SLIT3: variants seen among roughly 807,000 people sequenced by gnomAD.
SLIT3 encodes slit guidance ligand 3.
In SLIT3, 68 loss-of-function variants were observed where a neutral mutation model predicts 184.0. The observed-to-expected ratio is 0.37, with a 90% CI of 0.30 to 0.45. The LOEUF is 0.45. SLIT3 is among the 20% of genes least tolerant of loss of function. The pLI is 1.00. For synonymous variants in SLIT3, 831 were observed against 828.6 expected (o/e 1.00, Z -0.05); for missense variants, 1,707 against 2,026.0 (o/e 0.84, Z 3.02).
chr5:169,164,250 T>C (rs1762563849), intron 4 of SLIT3, among the ~76,000 whole-genome samples: 1 of 152,094 alleles, frequency 6.6e-6, no homozygotes, highest in East Asian at 1.9e-4. Flanking sequence ...TACAAGCCAA[T>C]GGGAGGGAAA....
At chr5:169,062,352 C>T (rs886207884) in intron 4 of SLIT3, among the ~76,000 whole-genome samples, 2 of 152,134 alleles carry the variant, frequency 1.3e-5, no homozygotes, top group East Asian at 3.9e-4. Context: ...GCTTTGGGTG[C>T]CACATGAATG....
chr5:168,812,498 A>T (rs976141931), intron 8 of SLIT3, among the ~76,000 whole-genome samples: 29 of 152,348 alleles, frequency 1.9e-4, no homozygotes, highest in African/African-American at 6.5e-4. Context: ...AAAACAAAAT[A>T]AAAAAATTTA....
chr5:169,197,211 C>A (rs1361607357), intron 3 of SLIT3, among the ~76,000 whole-genome samples: 1 of 152,248 alleles, frequency 6.6e-6, no homozygotes, highest in African/African-American at 2.4e-5. Context: ...GCTTCATAAA[C>A]CCTGAATGAG....
chr5:168,750,237 G>T (rs533216497), intron 18 of SLIT3, among the ~76,000 whole-genome samples: 1 of 152,294 alleles, frequency 6.6e-6, no homozygotes, highest in East Asian at 1.9e-4. Flanking sequence ...ATATGCATCT[G>T]TGGACTGAAA....
rs1379599857 is a variant in SLIT3 at position 168,665,354 on chromosome 5, C to T, written c.*1100G>A. On this transcript the variant is annotated 3_prime_UTR_variant, in exon 36 of 36. Transcript: ENST00000519560. Reference sequence around the variant, plus strand: ...GCAGAGGCCTGTCTTACAACAAGAGCCTCCAAGAACCTTCCAGAGTTGGAC... The same window carrying T: ...GCAGAGGCCTGTCTTACAACAAGAGTCTCCAAGAACCTTCCAGAGTTGGAC... 6.6e-6 allele frequency: 1 copy of T among 152,238 alleles called. No homozygotes were observed. The highest frequency in any genetic ancestry group is 1.9e-4 in the East Asian group (1 of 5,198). 9.4% of individuals were successfully genotyped at this position (152,238 alleles called of 1,614,324 possible).
chr5:168,712,223 G>C, intron 24 of SLIT3, 60 bp downstream of exon 24: 2 of 1,435,606 alleles, frequency 1.4e-6, no homozygotes, highest in South Asian at 2.3e-5. Context: ...TGACATTGTC[G>C]CTGACACTTT....
At chr5:168,951,542 A>T (rs1019135716) in intron 4 of SLIT3, among the ~76,000 whole-genome samples, 5 of 152,176 alleles carry the variant, frequency 3.3e-5, no homozygotes, top group African/African-American at 7.2e-5. Context: ...CCTTACAAAT[A>T]CTTGGCCTAG....
chr5:168,930,685 T>G (rs1171434790), intron 4 of SLIT3, among the ~76,000 whole-genome samples: 3 of 152,094 alleles, frequency 2.0e-5, no homozygotes, highest in Non-Finnish European at 4.4e-5. Flanking sequence ...GTCTGTGGCC[T>G]GGAACCCCTC....
intron 25 of SLIT3, chr5:168,708,429 T>C (rs1762442930): frequency 2.2e-5 from 8 of 356,428 alleles, no homozygotes; most frequent in South Asian, 2.1e-4. Context: ...TATCTTTTCA[T>C]ATTCCAGGAA....
intron 17 of SLIT3, 147 bp from the exon 18 acceptor site, chr5:168,753,245 G>T: frequency 1.3e-6 from 1 of 776,656 alleles, no homozygotes; most frequent in Non-Finnish European, 2.1e-6. Flanking sequence ...TTTGTCCTGT[G>T]ATAGCAGGGA....
At chr5:168,668,800 G>C (rs1761139446) in intron 35 of SLIT3, among the ~76,000 whole-genome samples, 1 of 152,190 alleles carries the variant, frequency 6.6e-6, no homozygotes, top group South Asian at 2.1e-4. Flanking sequence ...GTCATGCAGA[G>C]TTGAGACAGG....
intron 4 of SLIT3, among the ~76,000 whole-genome samples, chr5:169,016,849 TATAA>T (rs1486734954): frequency 2.6e-5 from 4 of 152,244 alleles, no homozygotes; most frequent in Non-Finnish European, 4.4e-5. Context: ...GTAAATGCTC[TATAA>T]ATGTTATTTT....
intron 14 of SLIT3, among the ~76,000 whole-genome samples, chr5:168,771,869 G>C (rs1163276996): frequency 6.6e-6 from 1 of 152,146 alleles, no homozygotes; most frequent in East Asian, 1.9e-4. Flanking sequence ...AGAAGCTCCT[G>C]GGCAAGGGGA....
chr5:168,854,492 C>A (rs1285689992), intron 5 of SLIT3, among the ~76,000 whole-genome samples: 4 of 152,174 alleles, frequency 2.6e-5, no homozygotes, highest in Admixed American at 2.6e-4. Context: ...CACTGAGGAT[C>A]ATGGATGGGT....
At chr5:169,165,783 A>G (rs7726855) in intron 4 of SLIT3, among the ~76,000 whole-genome samples, 4,591 of 152,252 alleles carry the variant, frequency 0.03, 92 homozygotes, top group South Asian at 0.096. Flanking sequence ...CCAACATACC[A>G]GTTGCTTTAT....
intron 3 of SLIT3, among the ~76,000 whole-genome samples, chr5:169,236,203 C>A (rs1765191593): frequency 6.6e-6 from 1 of 151,880 alleles, no homozygotes; most frequent in African/African-American, 2.4e-5. Flanking sequence ...CAAATTGTTC[C>A]AGCTTTGGCC....
At chr5:169,014,647 A>G (rs1448670940) in intron 4 of SLIT3, among the ~76,000 whole-genome samples, 1 of 152,244 alleles carries the variant, frequency 6.6e-6, no homozygotes, top group Non-Finnish European at 1.5e-5. Flanking sequence ...CCCTGAGTGT[A>G]GGAGCATTAA....
chr5:169,257,213 C>G (rs1309016684), intron 1 of SLIT3, among the ~76,000 whole-genome samples: 6 of 152,132 alleles, frequency 3.9e-5, no homozygotes, highest in African/African-American at 1.4e-4. Flanking sequence ...AGGAATAAAA[C>G]TTTCTGCCCC....
intron 3 of SLIT3, among the ~76,000 whole-genome samples, chr5:169,195,131 C>T (rs1179659242): frequency 1.3e-5 from 2 of 152,124 alleles, no homozygotes; most frequent in Non-Finnish European, 2.9e-5. Context: ...AGAGCTAAAG[C>T]TAACTAAGGA....
Sources: allele counts gnomAD v4.1 joint callset (sites outside exome capture counted in the v4.1 genomes callset), GRCh38; gene constraint gnomAD v4.1.1; transcripts MANE v1.5; gene names NCBI Gene and HGNC (gene_info 2026-07-23, HGNC 2026-07-21).